Variants in TRMT11 observed in about 807,000 individuals in gnomAD.
TRMT11 encodes the protein tRNA methyltransferase 11.
TRMT11 carries 53 observed loss-of-function variants against 62.8 expected under a neutral mutation model. The ratio of observed to expected loss-of-function variants is 0.84; its 90% confidence interval spans 0.68 to 1.06. The LOEUF is 1.06. Among genes scored for constraint, TRMT11 ranks in the 50% least tolerant of loss-of-function variants. TRMT11 has a pLI of 0.00. For missense variants in TRMT11, 556 were observed against 553.4 expected (o/e 1.00, Z -0.05); for synonymous variants, 188 against 190.3 (o/e 0.99, Z 0.10).
rs529297630 is a variant in TRMT11 at position 125,993,452 on chromosome 6, G to A, written c.73-305G>A. On this transcript the variant is annotated intron_variant, in intron 1 of 12. Coordinates refer to ENST00000334379, the MANE Select transcript of TRMT11 (RefSeq NM_001031712.3). ...TTCATTTTAACTTTATTCATCAATC[G>A]TCAGTCTTACTAATCTGCACTTTGT... Among the ~76,000 whole-genome samples, 52 of 152,154 alleles carry A rather than the reference G, an allele frequency of 3.4e-4. 1 individual carries two copies. The highest frequency in any genetic ancestry group is 1.0e-3 in the African/African-American group (42 of 41,494).
Position 126,012,651 on chromosome 6 carries a change from G to A in TRMT11, c.926-120G>A, listed in dbSNP as rs1036089027. The A allele has an allele frequency of 2.5e-5, 16 of 650,676 alleles. No homozygotes were observed. In the South Asian group the frequency reaches 2.9e-4, roughly 12 times the overall value. 40.3% of individuals were successfully genotyped at this position (650,676 alleles called of 1,614,324 possible). ...ATGTTGTACATTTTCAGTTGGATTT[G>A]TGCATTGGTGATGTTGTGTTCTTCT... On this transcript the variant is annotated intron_variant, in intron 9 of 12. Transcript: ENST00000334379.
downstream of TRMT11, among the ~76,000 whole-genome samples, chr6:126,042,489 G>C (rs543759939): frequency 6.6e-6 from 1 of 152,274 alleles, no homozygotes; most frequent in African/African-American, 2.4e-5. Context: ...AGATAAGTCA[G>C]CTTCCCTTAT....
At chr6:126,113,713 G>C (rs1777558100) in intron 18 of TRMT11, among the ~76,000 whole-genome samples, 1 of 152,058 alleles carries the variant, frequency 6.6e-6, no homozygotes, top group Non-Finnish European at 1.5e-5. Context: ...TTATCCATCT[G>C]CTTTGTGTCT....
rs1021088194 is a variant in TRMT11, at chr6:126,039,177, A to G, written c.*341A>G. 1 of 159,636 alleles carries G rather than the reference A, an allele frequency of 6.3e-6. No homozygotes were observed. Among genetic ancestry groups the G allele is most frequent in the Non-Finnish European group, 1.4e-5 (1 of 73,372 alleles). 9.9% of individuals were successfully genotyped at this position (159,636 alleles called of 1,614,324 possible). On this transcript the variant is annotated 3_prime_UTR_variant, in exon 13 of 13. Transcript: ENST00000334379. ...GCTGGATATATTATATGCAATTAAT[A>G]GTAGTTAAGAATTTATTCATTTGGT... is the stretch of plus-strand genomic sequence containing the variant.
At chr6:126,237,185 CTGTT>C in the TRMT11 span, among the ~76,000 whole-genome samples, 5 of 152,224 alleles carry the variant, frequency 3.3e-5, no homozygotes, top group Non-Finnish European at 5.9e-5. Context: ...AAACCAGACA[CTGTT>C]TGTTTCAGTG....
At chr6:126,251,430 A>G in the TRMT11 span, among the ~76,000 whole-genome samples, 1 of 152,286 alleles carries the variant, frequency 6.6e-6, no homozygotes, top group South Asian at 2.1e-4. Context: ...ACTAAAAGCT[A>G]ATTAATATAC....
chr6:126,229,458 G>A, the TRMT11 span, among the ~76,000 whole-genome samples: 815 of 152,214 alleles, frequency 5.4e-3, 1 homozygote, highest in Non-Finnish European at 9.7e-3. Context: ...TTGGGAGGAC[G>A]GTATGGGCAG....
At chr6:126,043,063 A>G, downstream of TRMT11, among the ~76,000 whole-genome samples, 1 of 151,498 alleles carries the variant, frequency 6.6e-6, no homozygotes, top group Middle Eastern at 3.4e-3. Context: ...TTATTTTATT[A>G]TTATTATACT....
chr6:126,050,237 G>A (rs537539550), intron 16 of TRMT11, among the ~76,000 whole-genome samples: 5 of 151,732 alleles, frequency 3.3e-5, no homozygotes, highest in African/African-American at 9.7e-5. Context: ...GGCTGAGGCA[G>A]GAGAATCGCT....
intron 1 of TRMT11, among the ~76,000 whole-genome samples, chr6:126,190,972 C>T (rs1778592022): frequency 6.6e-6 from 1 of 152,160 alleles, no homozygotes; most frequent in Non-Finnish European, 1.5e-5. Flanking sequence ...AGTGCTGGAT[C>T]ATAGGATAGT....
At chr6:126,259,918 A>T in the TRMT11 span, among the ~76,000 whole-genome samples, 2 of 151,960 alleles carry the variant, frequency 1.3e-5, no homozygotes, top group Admixed American at 6.6e-5. Context: ...TTTGTATGGG[A>T]TCTTCTTCCA....
chr6:126,040,367 C>G (rs1775839152), downstream of TRMT11, among the ~76,000 whole-genome samples: 1 of 152,062 alleles, frequency 6.6e-6, no homozygotes, highest in Admixed American at 6.6e-5. Context: ...TCAGGAAGTT[C>G]AGTTTCCCAT....
chr6:126,071,161 G>C (rs1403562912), intron 17 of TRMT11, among the ~76,000 whole-genome samples: 1 of 152,062 alleles, frequency 6.6e-6, no homozygotes, highest in Admixed American at 6.6e-5. Flanking sequence ...GGATGCAGTA[G>C]TTTTCCACTC....
intron 16 of TRMT11, among the ~76,000 whole-genome samples, chr6:126,047,754 C>T (rs899573000): frequency 5.9e-5 from 9 of 152,240 alleles, no homozygotes; most frequent in Non-Finnish European, 2.9e-5. Context: ...TGCCTGTCTG[C>T]ATGCTCCCCT....
At chr6:126,081,112 A>G (rs923505212) in intron 17 of TRMT11, among the ~76,000 whole-genome samples, 19 of 152,212 alleles carry the variant, frequency 1.2e-4, no homozygotes, top group African/African-American at 4.6e-4. Flanking sequence ...CATTGAATGG[A>G]TCTTGGAGAA....
chr6:126,246,247 G>A, the TRMT11 span, among the ~76,000 whole-genome samples: 2 of 152,148 alleles, frequency 1.3e-5, no homozygotes, highest in African/African-American at 2.4e-5. Flanking sequence ...GGAGGCTTAT[G>A]GTTGAGCTCA....
intron 12 of TRMT11, among the ~76,000 whole-genome samples, chr6:126,035,785 G>C (rs1336123985): frequency 6.6e-6 from 1 of 152,044 alleles, no homozygotes; most frequent in Non-Finnish European, 1.5e-5. Context: ...GGCTTTTGCT[G>C]TTCATTCCCA....
At chr6:126,058,904 C>T (rs2128123086) in intron 17 of TRMT11, among the ~76,000 whole-genome samples, 1 of 152,250 alleles carries the variant, frequency 6.6e-6, no homozygotes, top group South Asian at 2.1e-4. Flanking sequence ...ACTGAGCTGG[C>T]TGGATTTTGT....
chr6:126,140,673 A>G (rs1484572161), intron 21 of TRMT11, among the ~76,000 whole-genome samples: 3 of 152,048 alleles, frequency 2.0e-5, no homozygotes, highest in African/African-American at 4.8e-5. Flanking sequence ...AAGATTCATT[A>G]TTGCTTTCTC....
Sources: allele counts gnomAD v4.1 joint callset (sites outside exome capture counted in the v4.1 genomes callset), GRCh38; gene constraint gnomAD v4.1.1; transcripts MANE v1.5; gene names NCBI Gene and HGNC (gene_info 2026-07-23, HGNC 2026-07-21).